Variants in ATRNL1 observed in about 807,000 individuals in gnomAD.
ATRNL1 encodes attractin like 1, also known as attractin-like protein 1.
In ATRNL1, 95 loss-of-function variants were observed where a neutral mutation model predicts 182.7. The ratio of observed to expected loss-of-function variants is 0.52; its 90% CI spans 0.44 to 0.62. The LOEUF is 0.62. Ranked by LOEUF, ATRNL1 falls within the 20% of genes least tolerant of loss-of-function variation. ATRNL1 has a pLI of 0.00. For missense variants in ATRNL1, 1,471 were observed against 1,679.5 expected (o/e 0.88, Z 2.17); for synonymous variants, 576 against 568.3 (o/e 1.01, Z -0.19).
At chr10:115,775,764 G>A (rs1012298755) in intron 27 of ATRNL1, among the ~76,000 whole-genome samples, 10 of 148,348 alleles carry the variant, frequency 6.7e-5, no homozygotes, top group African/African-American at 2.5e-4. Flanking sequence ...AGACCAGCCT[G>A]GCCAACATGG....
chr10:115,173,663 T>C (rs1184757958), intron 8 of ATRNL1, among the ~76,000 whole-genome samples: 1 of 151,926 alleles, frequency 6.6e-6, no homozygotes, highest in Non-Finnish European at 1.5e-5. Flanking sequence ...TAATAATTGT[T>C]ATGTGCTTAT....
At chr10:115,253,922 G>T (rs1026987463) in intron 10 of ATRNL1, among the ~76,000 whole-genome samples, 1 of 152,118 alleles carries the variant, frequency 6.6e-6, no homozygotes, top group Non-Finnish European at 1.5e-5. Flanking sequence ...TGCTGAGAAT[G>T]ATGGTTTCCA....
chr10:115,878,105 G>A (rs1951739991), intron 28 of ATRNL1, among the ~76,000 whole-genome samples: 1 of 152,220 alleles, frequency 6.6e-6, no homozygotes, highest in South Asian at 2.1e-4. Context: ...GTAGGGCTCT[G>A]CAGATCTAGT....
intron 20 of ATRNL1, among the ~76,000 whole-genome samples, chr10:115,415,898 T>C (rs1039221285): frequency 3.3e-5 from 5 of 152,042 alleles, no homozygotes; most frequent in African/African-American, 9.7e-5. Flanking sequence ...GGAATTTCTA[T>C]TGTACACATT....
chr10:115,504,210 AT>A (rs2133645028), intron 24 of ATRNL1, among the ~76,000 whole-genome samples: 1 of 152,178 alleles, frequency 6.6e-6, no homozygotes, highest in Non-Finnish European at 1.5e-5. Context: ...AATAGTCATT[AT>A]TTAAAGTTAT....
chr10:115,153,644 G>T (rs1346032031), intron 5 of ATRNL1, among the ~76,000 whole-genome samples: 2 of 151,626 alleles, frequency 1.3e-5, no homozygotes, highest in Non-Finnish European at 2.9e-5. Context: ...CAATTTTGTT[G>T]ATTTTTTCAA....
chr10:115,441,822 G>A (rs1397435960), intron 21 of ATRNL1, among the ~76,000 whole-genome samples: 1 of 151,814 alleles, frequency 6.6e-6, no homozygotes, highest in Non-Finnish European at 1.5e-5. Context: ...AGCCTTCTTT[G>A]ATTCCTGATT....
chr10:115,535,693 A>G (rs1328752848), intron 25 of ATRNL1, among the ~76,000 whole-genome samples: 1 of 151,994 alleles, frequency 6.6e-6, no homozygotes, highest in Non-Finnish European at 1.5e-5. Context: ...TCTGGTTTTT[A>G]GAGTTTCCAG....
intron 27 of ATRNL1, among the ~76,000 whole-genome samples, chr10:115,780,062 T>C (rs1949225151): frequency 6.6e-6 from 1 of 151,948 alleles, no homozygotes; most frequent in Admixed American, 6.6e-5. Flanking sequence ...CTGAAGAGAG[T>C]AGGAAATACT....
chr10:115,889,905 G>A (rs533184451), intron 28 of ATRNL1, among the ~76,000 whole-genome samples: 98 of 152,254 alleles, frequency 6.4e-4, no homozygotes, highest in African/African-American at 2.3e-3. Flanking sequence ...GAATATATGT[G>A]TATTTAATTA....
chr10:115,311,657 G>T (rs549997631), intron 17 of ATRNL1, among the ~76,000 whole-genome samples: 2 of 152,182 alleles, frequency 1.3e-5, no homozygotes, highest in African/African-American at 4.8e-5. Context: ...TTTAAGTCCA[G>T]TGTTTCTTTG....
chr10:115,270,453 A>G lies in ATRNL1; in HGVS notation c.2100+2009A>G, dbSNP rs972921773. Among the ~76,000 whole-genome samples, 282 of 146,434 alleles carry G rather than the reference A, an allele frequency of 1.9e-3. 1 individual carries two copies. The highest frequency in any genetic ancestry group is 6.3e-3 in the African/African-American group (253 of 40,308). The stretch of plus-strand genomic sequence containing the variant: ...TATATATAATCTATAATATATGTGT[A>G]TATATATATATAAAATGAGATTTAT... On this transcript the variant is annotated intron_variant, in intron 13 of 28. Coordinates refer to ENST00000355044, the MANE Select transcript of ATRNL1 (RefSeq NM_207303.4).
chr10:115,845,469 A>C (rs1407512489), intron 27 of ATRNL1, among the ~76,000 whole-genome samples: 1 of 151,960 alleles, frequency 6.6e-6, no homozygotes, highest in Non-Finnish European at 1.5e-5. Flanking sequence ...TTCCACCTGA[A>C]GTTTAGTTAT....
At chr10:115,800,182 T>G (rs186807237) in intron 27 of ATRNL1, among the ~76,000 whole-genome samples, 5 of 150,780 alleles carry the variant, frequency 3.3e-5, no homozygotes, top group Admixed American at 2.0e-4. Flanking sequence ...ATGGCTCCAT[T>G]GCACTCCAGA....
chr10:115,843,040 G>A (rs1401637681), intron 27 of ATRNL1, among the ~76,000 whole-genome samples: 4 of 151,968 alleles, frequency 2.6e-5, no homozygotes, highest in Non-Finnish European at 4.4e-5. Flanking sequence ...AGAGAAACTT[G>A]GTCATGCCTT....
intron 27 of ATRNL1, among the ~76,000 whole-genome samples, chr10:115,764,916 C>T (rs538337954): frequency 5.9e-5 from 9 of 152,298 alleles, no homozygotes; most frequent in Non-Finnish European, 8.8e-5. Context: ...TCAGGCAATC[C>T]GCCCGCCTTG....
chr10:115,560,257 A>G (rs576884991), intron 26 of ATRNL1, among the ~76,000 whole-genome samples: 1 of 152,332 alleles, frequency 6.6e-6, no homozygotes, highest in East Asian at 1.9e-4. Flanking sequence ...GGTAATTTGT[A>G]AAGAAAAGAG....
intron 27 of ATRNL1, among the ~76,000 whole-genome samples, chr10:115,814,934 C>A (rs1287289245): frequency 6.6e-6 from 1 of 152,100 alleles, no homozygotes; most frequent in Non-Finnish European, 1.5e-5. Flanking sequence ...TACCTAAATT[C>A]CATAATTATG....
At chr10:115,601,228 C>T (rs555859990) in intron 26 of ATRNL1, among the ~76,000 whole-genome samples, 1 of 152,000 alleles carries the variant, frequency 6.6e-6, no homozygotes, top group South Asian at 2.1e-4. Flanking sequence ...TGTATTAGAC[C>T]TCATATGTAG....
Sources: allele counts gnomAD v4.1 joint callset (sites outside exome capture counted in the v4.1 genomes callset), GRCh38; gene constraint gnomAD v4.1.1; transcripts MANE v1.5; gene names NCBI Gene and HGNC (gene_info 2026-07-23, HGNC 2026-07-21).